Variants in BCL3 observed in about 807,000 individuals in gnomAD.
BCL3 encodes the protein B-cell lymphoma 3 protein.
In BCL3, 15 loss-of-function variants were observed where a neutral mutation model predicts 35.7. That is an observed-to-expected ratio of 0.42 (90% CI 0.28 to 0.65). BCL3 has a LOEUF of 0.65. Among genes scored for constraint, BCL3 ranks in the 30% least tolerant of loss-of-function variants. The pLI is 0.22. For missense variants in BCL3, 565 were observed against 641.7 expected (o/e 0.88, Z 1.29); for synonymous variants, 311 against 284.3 (o/e 1.09, Z -0.95).
At position 44,748,914 on chromosome 19, in the gene BCL3, C is replaced by G. The variant is rs1967119899; in HGVS notation, c.124C>G (p.Pro42Ala). The G allele has an allele frequency of 8.6e-7, 1 of 1,160,454 alleles. No individual in the cohort carries two copies. Among genetic ancestry groups the G allele is most frequent in the Non-Finnish European group, 1.1e-6 (1 of 943,648 alleles). 71.9% of individuals were successfully genotyped at this position (1,160,454 alleles called of 1,614,324 possible). ...CAAGCGCCCGCTGCGCGCGCCCTCC[C>G]CGGAGCCCGCCGCTCCCCGCGGCGC... ...LRKRPLRAPS[P>A]EPAAPRGAAG... The change falls in exon 1 of 9, where the codon CCG (proline) becomes GCG (alanine). Residue 42 changes from proline to alanine, a missense_variant. This residue lies in a region of BCL3 where 267 missense variants were observed against 281.5 expected (regional missense o/e 0.95). Coordinates refer to ENST00000164227, the MANE Select transcript of BCL3 (RefSeq NM_005178.5).
chr19:44,757,779 C>T lies in BCL3; in HGVS notation c.891+56C>T. 1 of 1,554,680 alleles carries T rather than the reference C, an allele frequency of 6.4e-7. No homozygotes were observed. On this transcript the variant is annotated intron_variant, in intron 6 of 8. Coordinates refer to ENST00000164227, the MANE Select transcript of BCL3 (RefSeq NM_005178.5). This position sits in a 1 kb window ranked among gnomAD's most constrained non-coding sequence, Gnocchi z 8.4. ...ACCCTATCCTCTGACCCCAACCCGG[C>T]TCTGGCCTCAGCCCCTAGCTCTGAC... is the stretch of plus-strand genomic sequence containing the variant.
Position 44,758,408 on chromosome 19 carries a change from C to T in BCL3, c.1054C>T (p.Arg352Cys). 1 of 1,543,890 alleles carries T rather than the reference C, an allele frequency of 6.5e-7. No individual in the cohort carries two copies. ...NDTPLMVARS[R>C]RVIDILRGKA... The stretch of plus-strand genomic sequence containing the variant: ...CACGCCGCTCATGGTGGCGCGCAGC[C>T]GCAGGGTGAGCCGGGGCAGCTGTGG... The change falls in exon 7 of 9, where the codon CGC (arginine) becomes TGC (cysteine). Residue 352 changes from arginine to cysteine, a missense_variant. By Grantham distance (180) the Arg-to-Cys change is radical. This residue lies in a region of BCL3 where 151 missense variants were observed against 138.1 expected (regional missense o/e 1.09). Coordinates refer to ENST00000164227, the MANE Select transcript of BCL3 (RefSeq NM_005178.5).
chr19:44,759,435 C>G lies in BCL3; in HGVS notation c.1185C>G (p.Leu395=). 6.2e-7 allele frequency: 1 copy of G among 1,607,792 alleles called. No individual in the cohort carries two copies. Among genetic ancestry groups the G allele is most frequent in the Non-Finnish European group, 8.5e-7 (1 of 1,176,972 alleles). Residue 395 remains leucine (L), a synonymous_variant, in exon 9 of 9, where the codon CTC becomes CTG. Transcript: ENST00000164227. ...TCTCTCTTCCTTCCTCAGGTCTTCTCTCCGCATCACCATCCTCCTCACCCT... is the reference window on the plus strand; with the variant it reads ...TCTCTCTTCCTTCCTCAGGTCTTCTGTCCGCATCACCATCCTCCTCACCCT... ...SSSRLSSNGL[L]SASPSSSPSQ... is the part of the protein sequence containing the mutation.
rs1967119451 is a variant in BCL3 at position 44,748,884 on chromosome 19, C to T, written c.94C>T (p.Leu32Phe). ...AAGLPGAALP[L>F]RKRPLRAPSP... ...CGGACTCCCGGGCGCCGCGCTGCCG[C>T]TCCGCAAGCGCCCGCTGCGCGCGCC... The change falls in exon 1 of 9, where the codon CTC becomes TTC. Residue 32 changes from leucine (L) to phenylalanine (F), a missense_variant. Around this residue, in one of 5 missense-constraint regions of BCL3, gnomAD observed 267 missense variants for 281.5 expected, o/e 0.95. Coordinates refer to ENST00000164227, the MANE Select transcript of BCL3 (RefSeq NM_005178.5). 2 of 1,120,608 alleles carry T rather than the reference C, an allele frequency of 1.8e-6. No homozygotes were observed. Among genetic ancestry groups the T allele is most frequent in the Admixed American group, 5.0e-5 (1 of 19,974 alleles). The allele number at this position is 1,120,608 out of a possible 1,614,324, so 69.4% of individuals were successfully genotyped here.
In BCL3 at chr19:44,757,162, G is replaced by A. The variant is rs763828094; in HGVS notation, c.665G>A (p.Arg222Gln). 34 of 1,585,922 alleles carry A rather than the reference G, an allele frequency of 2.1e-5. No individual in the cohort carries two copies. The highest frequency in any genetic ancestry group is 2.0e-4 in the Admixed American group (11 of 56,004). The stretch of plus-strand genomic sequence containing the variant: ...GAGCACCGCAGCCCGACCTGCCTGC[G>A]AGCCCTGCTGGACAGCGCAGCTCCG... Reference protein sequence around the residue: ...ACEHRSPTCLRALLDSAAPGT... With the variant: ...ACEHRSPTCLQALLDSAAPGT... Residue 222 changes from arginine to glutamine, a missense_variant, in exon 4 of 9, where the codon CGA becomes CAA. Physicochemically the swap from Arg to Gln is conservative, Grantham distance 43 (BLOSUM62 1). This residue lies in a region of BCL3 where 103 missense variants were observed against 106.7 expected (regional missense o/e 0.97). Coordinates refer to ENST00000164227, the MANE Select transcript of BCL3 (RefSeq NM_005178.5). This position sits in a 1 kb window ranked among gnomAD's most constrained non-coding sequence, Gnocchi z 8.4.
intron 2 of BCL3, 98 bp downstream of exon 2, chr19:44,751,478 C>T (rs928468953): frequency 5.2e-5 from 66 of 1,269,746 alleles, no homozygotes; most frequent in East Asian, 2.8e-4. Flanking sequence ...AGTCAGAACT[C>T]GGTCTCCACC....
intron 1 of BCL3, among the ~76,000 whole-genome samples, chr19:44,750,246 G>A (rs1967151155): frequency 6.6e-6 from 1 of 152,036 alleles, no homozygotes; most frequent in Admixed American, 6.6e-5. Flanking sequence ...TCTGTGTGAT[G>A]GGTTGGTATG....
chr19:44,749,156 G>A (rs566821970), intron 1 of BCL3, 110 bp downstream of exon 1: 23 of 439,538 alleles, frequency 5.2e-5, no homozygotes, highest in African/African-American at 4.8e-4. Flanking sequence ...CAGGGACCTG[G>A]GGGACAAGAG....
upstream of BCL3, chr19:44,747,971 T>A: frequency 7.8e-7 from 1 of 1,284,108 alleles, no homozygotes; most frequent in Non-Finnish European, 1.0e-6. Flanking sequence ...CCACAGCTGA[T>A]GAGGCACGTG....
chr19:44,757,310 G>GCCCT lies in BCL3; in HGVS notation c.725-14_725-11dup. ...AAAGCCCGGGCCTAGGTTTCACCGA[G>GCCCT]CCCTCCTCTCCCTCAGGGCTCACCG... On this transcript the variant is annotated splice_polypyrimidine_tract_variant and intron_variant, in intron 4 of 8. Transcript: ENST00000164227. This position sits in a 1 kb window ranked among gnomAD's most constrained non-coding sequence, Gnocchi z 8.4. The GCCCT allele has an allele frequency of 1.9e-6, 3 of 1,591,340 alleles. No homozygotes were observed. The highest frequency in any genetic ancestry group is 2.6e-6 in the Non-Finnish European group (3 of 1,169,034).
At chr19:44,751,142 G>A (rs1367727186) in intron 1 of BCL3, 85 bp from the exon 2 acceptor site, 5 of 1,519,216 alleles carry the variant, frequency 3.3e-6, no homozygotes, top group Non-Finnish European at 3.5e-6. Flanking sequence ...GACACCACAG[G>A]AGCAAAGTTT....
rs779676912 is a variant in BCL3, at chr19:44,758,782, C to A, written c.1118C>A (p.Pro373His). 1.4e-5 allele frequency: 23 copies of A among 1,608,866 alleles called. No homozygotes were observed. Among genetic ancestry groups the A allele is most frequent in the Non-Finnish European group, 1.9e-5 (22 of 1,178,420 alleles). The part of the protein sequence containing the change: ...TRPASTSQPD[P>H]SPDRSANTSP... ...CCTGCTTCCACCTCCCAGCCAGACC[C>A]CTCCCCTGACCGGAGCGCCAACACC... Residue 373 changes from proline to histidine, a missense_variant, in exon 8 of 9, where the codon CCC (proline) becomes CAC (histidine). Transcript: ENST00000164227.
At chr19:44,751,188 G>A in intron 1 of BCL3, 39 bp from the exon 2 acceptor site, 1 of 1,582,830 alleles carries the variant, frequency 6.3e-7, no homozygotes, top group Non-Finnish European at 8.6e-7. Flanking sequence ...CTGTGGGTGT[G>A]GCCTCACCCA....
Position 44,757,781 on chromosome 19 carries a change from C to T in BCL3, c.891+58C>T. On this transcript the variant is annotated intron_variant, in intron 6 of 8. Transcript: ENST00000164227. The surrounding 1 kb of genome is among the most constrained non-coding windows in gnomAD (Gnocchi z 8.4). Reference sequence around the variant, plus strand: ...CCTATCCTCTGACCCCAACCCGGCTCTGGCCTCAGCCCCTAGCTCTGACCC... The same window carrying T: ...CCTATCCTCTGACCCCAACCCGGCTTTGGCCTCAGCCCCTAGCTCTGACCC... The T allele has an allele frequency of 2.6e-6, 4 of 1,541,064 alleles. No homozygotes were observed. In the South Asian group the frequency reaches 3.4e-5, roughly 13 times the overall value.
At chr19:44,749,507 G>A (rs910222696) in intron 1 of BCL3, among the ~76,000 whole-genome samples, 1 of 152,064 alleles carries the variant, frequency 6.6e-6, no homozygotes, top group Non-Finnish European at 1.5e-5. Context: ...GGGTTCTAAG[G>A]AGACAGATAC....
In BCL3 at chr19:44,757,409, C is replaced by G. The variant is rs961218620; in HGVS notation, c.807C>G (p.Asp269Glu). 17 of 1,596,410 alleles carry G rather than the reference C, an allele frequency of 1.1e-5. No individual in the cohort carries two copies. The highest frequency in any genetic ancestry group is 1.4e-5 in the Non-Finnish European group (16 of 1,172,010). ...TGCTAGAGCGCGGTGCCGACATCGA[C>G]GCAGTGGTGAGCGTGCACTAGGAGC... ...QLLLERGADIDAVDIKSGRSP... is the reference protein window; with the variant it reads ...QLLLERGADIEAVDIKSGRSP... Residue 269 changes from aspartate (D) to glutamate (E), a missense_variant, in exon 5 of 9, where the codon GAC becomes GAG. Physicochemically the swap from Asp to Glu is conservative, Grantham distance 45. This residue lies in a region of BCL3 where 103 missense variants were observed against 106.7 expected (regional missense o/e 0.97). Transcript: ENST00000164227. The surrounding 1 kb of genome is among the most constrained non-coding windows in gnomAD (Gnocchi z 8.4).
At chr19:44,748,319 G>C (rs939464040), upstream of BCL3, among the ~76,000 whole-genome samples, 1 of 152,162 alleles carries the variant, frequency 6.6e-6, no homozygotes, top group East Asian at 1.9e-4. Flanking sequence ...ACTCAGACAG[G>C]AGAACCAGAG....
intron 7 of BCL3, 131 bp downstream of exon 7, chr19:44,758,544 G>T: frequency 6.7e-6 from 9 of 1,348,990 alleles, no homozygotes; most frequent in Non-Finnish European, 9.1e-6. Flanking sequence ...GTGAGCCTCT[G>T]AAAGCGCGGG....
At chr19:44,750,331 C>T (rs542866614) in intron 1 of BCL3, among the ~76,000 whole-genome samples, 9 of 149,598 alleles carry the variant, frequency 6.0e-5, no homozygotes, top group Admixed American at 4.6e-4. Context: ...TTTTGTTTTG[C>T]TCTGTCGCCC....
Sources: allele counts gnomAD v4.1 joint callset (sites outside exome capture counted in the v4.1 genomes callset), GRCh38; gene constraint gnomAD v4.1.1; regional missense constraint gnomAD v4.1.1; non-coding constraint Gnocchi (gnomAD v3.1); transcripts MANE v1.5; gene names NCBI Gene and HGNC (gene_info 2026-07-23, HGNC 2026-07-21).